ENGASE: variants seen among roughly 807,000 people sequenced by gnomAD.
The protein encoded by ENGASE is endo-beta-N-acetylglucosaminidase.
A neutral mutation model predicts 78.5 loss-of-function variants in ENGASE; 69 were observed. The ratio of observed to expected loss-of-function variants is 0.88; its 90% CI spans 0.72 to 1.07. The LOEUF is 1.07. ENGASE is among the 50% of genes least tolerant of loss of function. The probability of loss-of-function intolerance (pLI) is 0.00; values close to 1 mark genes in which losing one functional copy is unlikely to be tolerated. For synonymous variants in ENGASE, 408 were observed against 408.9 expected (o/e 1.00, Z 0.03); for missense variants, 943 against 988.4 (o/e 0.95, Z 0.62).
rs117024973 is a variant in ENGASE at position 79,083,493 on chromosome 17, G to A, written c.1154G>A (p.Arg385Gln). The change falls in exon 9 of 14, where the codon CGA becomes CAA. Residue 385 changes from arginine (R) to glutamine (Q), a missense_variant. Arg to Gln is a conservative substitution (Grantham distance 43). Transcript: ENST00000579016. This position sits in a 1 kb window ranked among gnomAD's most constrained non-coding sequence, Gnocchi z 4.9. ...FFQNQDKFWG[R>Q]LERYLPTHSI... ...CATGTCTCTGGCAGGTTCTGGGGCC[G>A]ACTGGAGCGTTATCTGCCCACACAT... 0.012 allele frequency: 19,609 copies of A among 1,613,856 alleles called. 148 individuals are homozygous for A. Among genetic ancestry groups the A allele is most frequent in the Non-Finnish European group, 0.015 (17,457 of 1,179,752 alleles).
In ENGASE at chr17:79,077,439, TGAA is replaced by T. The variant is rs761572427; in HGVS notation, c.165_167del (p.Glu56del). 215 of 1,592,262 alleles carry T rather than the reference TGAA, an allele frequency of 1.4e-4. 1 individual carries two copies. The Middle Eastern group carries it at 2.1e-3, about 15-fold the overall frequency. ...CTCCCTCTTTGCTTAGCATCAAAGATGAAGAAGAAGAGACAGTCTTTCGAGAGG... is the reference window on the plus strand; with the variant it reads ...CTCCCTCTTTGCTTAGCATCAAAGATGAAGAAGAGACAGTCTTTCGAGAGG... On this transcript the variant is annotated inframe_deletion, in exon 2 of 14. Transcript: ENST00000579016.
intron 7 of ENGASE, chr17:79,082,448 G>A (rs747376596): frequency 1.7e-5 from 20 of 1,211,684 alleles, no homozygotes; most frequent in East Asian, 5.5e-5. Flanking sequence ...GCTCAGGGGC[G>A]AGGACGGGGG....
chr17:79,077,550 G>A (rs1374113735), intron 2 of ENGASE, 53 bp downstream of exon 2: 1 of 1,545,576 alleles, frequency 6.5e-7, no homozygotes, highest in Non-Finnish European at 8.7e-7. Flanking sequence ...TGGGGCTTTG[G>A]GGCAGGTCAG....
chr17:79,078,827 G>A (rs769176747), intron 3 of ENGASE, among the ~76,000 whole-genome samples: 9 of 152,134 alleles, frequency 5.9e-5, no homozygotes, highest in Non-Finnish European at 1.3e-4. Context: ...CTGTTCTGAG[G>A]GACTGCCTAC....
rs2073290665 is a variant in ENGASE, at chr17:79,085,966, C to A, written c.1849C>A (p.Pro617Thr). The change falls in exon 14 of 14, where the codon CCC (proline) becomes ACC (threonine). Residue 617 changes from proline (P) to threonine (T), a missense_variant. By Grantham distance (38) the Pro-to-Thr change is conservative. Coordinates refer to ENST00000579016, the MANE Select transcript of ENGASE (RefSeq NM_001042573.3). Reference sequence around the variant, plus strand: ...CGCTGCCAGCCTGCTGGCCCCTCTGCCCCAGGTGCAGGCCGTCACCATCTC... The same window carrying A: ...CGCTGCCAGCCTGCTGGCCCCTCTGACCCAGGTGCAGGCCGTCACCATCTC... The part of the protein sequence containing the change: ...VDAASLLAPL[P>T]QVQAVTISHI... 1.9e-6 allele frequency: 3 copies of A among 1,604,794 alleles called. No individual in the cohort carries two copies. The highest frequency in any genetic ancestry group is 1.7e-5 in the Admixed American group (1 of 59,954).
At chr17:79,082,511 G>A in intron 7 of ENGASE, 1 of 1,202,942 alleles carries the variant, frequency 8.3e-7, no homozygotes. Context: ...AGCATTTTCT[G>A]GCAAGGCAGG....
rs148385630 is a variant in ENGASE at position 79,079,587 on chromosome 17, C to A, written c.515C>A (p.Pro172His). The A allele has an allele frequency of 1.2e-6, 2 of 1,613,948 alleles. No individual in the cohort carries two copies. Among genetic ancestry groups the A allele is most frequent in the African/African-American group, 2.7e-5 (2 of 74,904 alleles). The part of the protein sequence containing the change: ...VYFSHHTVTI[P>H]PVGWTNTAHR... ...TTCAGCCACCACACCGTCACCATTC[C>A]CCCAGTGGGCTGGACCAACACTGCC... The change falls in exon 4 of 14, where the codon CCC becomes CAC. Residue 172 changes from proline to histidine, a missense_variant. Coordinates refer to ENST00000579016, the MANE Select transcript of ENGASE (RefSeq NM_001042573.3).
Position 79,075,078 on chromosome 17 carries a change from G to T in ENGASE, c.134G>T (p.Arg45Leu). ...EDQEPRPRRR[R>L]PGRSIKDEEE... The stretch of plus-strand genomic sequence containing the variant: ...CAGGAGCCGCGGCCGCGGCGGCGGC[G>T]GCCGGGAAGGAGGTGGGGCTGCGGG... Residue 45 changes from arginine (R) to leucine (L), a missense_variant, in exon 1 of 14, where the codon CGG becomes CTG. Coordinates refer to ENST00000579016, the MANE Select transcript of ENGASE (RefSeq NM_001042573.3). The T allele has an allele frequency of 8.3e-7, 1 of 1,207,190 alleles. No homozygotes were observed. Among genetic ancestry groups the T allele is most frequent in the Non-Finnish European group, 1.0e-6 (1 of 970,842 alleles). The allele number at this position is 1,207,190 out of a possible 1,614,324, so 74.8% of individuals were successfully genotyped here. A position where few individuals can be genotyped will look rare whatever the true frequency, so the allele number is the denominator to read the frequency against.
rs756336564 is a variant in ENGASE at position 79,083,222 on chromosome 17, C to T, written c.1142+99C>T. 5 of 950,536 alleles carry T rather than the reference C, an allele frequency of 5.3e-6. No homozygotes were observed. The highest frequency in any genetic ancestry group is 8.1e-6 in the Non-Finnish European group (5 of 619,648). 58.9% of individuals were successfully genotyped at this position (950,536 alleles called of 1,614,324 possible). On this transcript the variant is annotated intron_variant, in intron 8 of 13. Transcript: ENST00000579016. The surrounding 1 kb of genome is among the most constrained non-coding windows in gnomAD (Gnocchi z 4.9). ...CGTTTGTGCTCTTTAGTGACCCTTC[C>T]TATGGGGGGGTGGTTAAGGGAGGAT...
chr17:79,084,210 G>T, intron 10 of ENGASE: 1 of 550,230 alleles, frequency 1.8e-6, no homozygotes, highest in Non-Finnish European at 3.2e-6. Flanking sequence ...TTGTAGGACT[G>T]GACTCTCCCC....
At chr17:79,081,359 G>A (rs904500468) in intron 6 of ENGASE, among the ~76,000 whole-genome samples, 1 of 152,284 alleles carries the variant, frequency 6.6e-6, no homozygotes, top group East Asian at 1.9e-4. Flanking sequence ...AAAATTAGCT[G>A]GGCATGGTGG....
intron 1 of ENGASE, among the ~76,000 whole-genome samples, chr17:79,075,321 T>A (rs2072942863): frequency 6.6e-6 from 1 of 152,224 alleles, no homozygotes; most frequent in East Asian, 1.9e-4. Context: ...GACCCCTGCC[T>A]ATCTCAGAAA....
chr17:79,084,416 G>A, intron 10 of ENGASE, 122 bp from the exon 11 acceptor site: 1 of 976,848 alleles, frequency 1.0e-6, no homozygotes. Context: ...ACCACGATGT[G>A]GGAGCATTTG....
At chr17:79,085,398 AC>A in intron 12 of ENGASE, 56 bp downstream of exon 12, 1 of 1,458,958 alleles carries the variant, frequency 6.9e-7, no homozygotes, top group South Asian at 1.3e-5. Context: ...CTGTTGGGAA[AC>A]CCCAGAGCTG....
intron 12 of ENGASE, 59 bp from the exon 13 acceptor site, chr17:79,085,561 G>A (rs916446567): frequency 3.8e-6 from 6 of 1,597,532 alleles, no homozygotes; most frequent in African/African-American, 2.7e-5. Context: ...GCCTCTGGAC[G>A]GCTCACCCTG....
At chr17:79,084,707 C>T (rs368799828) in intron 11 of ENGASE, 21 bp downstream of exon 11, 9 of 1,610,452 alleles carry the variant, frequency 5.6e-6, no homozygotes, top group African/African-American at 4.0e-5. Context: ...GGGGCCCAGG[C>T]CTGCCTCTGC....
intron 6 of ENGASE, 110 bp downstream of exon 6, chr17:79,081,183 CAT>C: frequency 7.7e-7 from 1 of 1,293,616 alleles, no homozygotes; most frequent in Non-Finnish European, 1.0e-6. Context: ...GGAGGTGATG[CAT>C]ATATGACTGC....
In ENGASE at chr17:79,087,836, TG is replaced by T. The variant is rs1377894274; in HGVS notation, c.*1488del. 6.6e-6 allele frequency: 1 copy of T among 152,228 alleles called. No individual in the cohort carries two copies. The highest frequency in any genetic ancestry group is 1.5e-5 in the Non-Finnish European group (1 of 68,066). The allele number at this position is 152,228 out of a possible 1,614,324, so 9.4% of individuals were successfully genotyped here. ...AAGGCTGGGTACTCAGCAGCCACTC[TG>T]AGCCGGGGCTCCTTCCAGGAGCTGA... is the stretch of plus-strand genomic sequence containing the variant. On this transcript the variant is annotated 3_prime_UTR_variant, in exon 14 of 14. Coordinates refer to ENST00000579016, the MANE Select transcript of ENGASE (RefSeq NM_001042573.3).
intron 10 of ENGASE, 51 bp from the exon 11 acceptor site, chr17:79,084,487 G>A (rs541108498): frequency 4.7e-5 from 70 of 1,486,538 alleles, no homozygotes; most frequent in Middle Eastern, 1.8e-4. Context: ...AGCTGGCTTC[G>A]ATTTCTCAGT....
Sources: allele counts gnomAD v4.1 joint callset (sites outside exome capture counted in the v4.1 genomes callset), GRCh38; gene constraint gnomAD v4.1.1; non-coding constraint Gnocchi (gnomAD v3.1); transcripts MANE v1.5; gene names NCBI Gene and HGNC (gene_info 2026-07-23, HGNC 2026-07-21).